LAMA1: variants seen among roughly 807,000 people sequenced by gnomAD.
The protein encoded by LAMA1 is laminin subunit alpha 1.
A neutral mutation model predicts 348.7 loss-of-function variants in LAMA1; 219 were observed. The ratio of observed to expected loss-of-function variants is 0.63; its 90% confidence interval spans 0.56 to 0.70. The LOEUF (loss-of-function observed/expected upper bound fraction) is 0.70, where lower values mean the gene tolerates loss of function less well. Ranked by LOEUF, LAMA1 falls within the 30% of genes least tolerant of loss-of-function variation. The pLI is 0.00. For synonymous variants in LAMA1, 1,487 were observed against 1,491.0 expected (o/e 1.00, Z 0.06); for missense variants, 3,744 against 3,888.0 (o/e 0.96, Z 0.99).
chr18:7,037,492 A>G, intron 12 of LAMA1, 86 bp downstream of exon 12: 1 of 1,470,902 alleles, frequency 6.8e-7, no homozygotes, highest in Non-Finnish European at 9.5e-7. Flanking sequence ...CTATGAGACT[A>G]CCTAAAATGC....
intron 1 of LAMA1, among the ~76,000 whole-genome samples, chr18:7,110,406 G>T (rs139116402): frequency 6.6e-6 from 1 of 152,272 alleles, no homozygotes; most frequent in East Asian, 1.9e-4. Flanking sequence ...CCAAGAACAG[G>T]AGAAACAGGG....
intron 35 of LAMA1, 44 bp from the exon 36 acceptor site, chr18:6,992,764 T>C (rs1568021902): frequency 6.5e-7 from 1 of 1,527,716 alleles, no homozygotes. Flanking sequence ...CTCTCAAAAG[T>C]GGCTAGTACC....
chr18:6,978,662 G>A (rs191747345), intron 42 of LAMA1, among the ~76,000 whole-genome samples: 136 of 152,278 alleles, frequency 8.9e-4, no homozygotes, highest in African/African-American at 2.9e-3. Context: ...TCTGGAATAT[G>A]ATTTCAATAA....
At chr18:7,113,949 C>T (rs11876396) in intron 1 of LAMA1, among the ~76,000 whole-genome samples, 7,403 of 151,754 alleles carry the variant, frequency 0.049, 553 homozygotes, top group African/African-American at 0.16. Context: ...TGGTGGCGGG[C>T]GCCTGTAGTC....
At chr18:7,081,718 G>GGT (rs1372522875) in intron 1 of LAMA1, among the ~76,000 whole-genome samples, 1 of 152,152 alleles carries the variant, frequency 6.6e-6, no homozygotes, top group African/African-American at 2.4e-5. Context: ...TAGAAACAAT[G>GGT]GTGTACGCGA....
chr18:7,113,580 G>A (rs1177385405), intron 1 of LAMA1, among the ~76,000 whole-genome samples: 1 of 152,160 alleles, frequency 6.6e-6, no homozygotes, highest in African/African-American at 2.4e-5. Flanking sequence ...AAGAAACGGT[G>A]AGAAATGGGA....
In LAMA1 at chr18:6,990,096, T is replaced by C. The variant is rs1043125192; in HGVS notation, c.5168+2465A>G. Reference sequence around the variant, plus strand: ...AGTCATTAAGGACTATATCATTTCATGTGATTGTGGTTTAGATACTAACAT... The same window carrying C: ...AGTCATTAAGGACTATATCATTTCACGTGATTGTGGTTTAGATACTAACAT... On this transcript the variant is annotated intron_variant, in intron 36 of 62. Coordinates refer to ENST00000389658, the MANE Select transcript of LAMA1 (RefSeq NM_005559.4). Among the ~76,000 whole-genome samples the C allele has an allele frequency of 2.0e-5, 3 of 152,226 alleles. 1 individual carries two copies. The highest frequency in any genetic ancestry group is 7.2e-5 in the African/African-American group (3 of 41,468).
chr18:6,956,275 TTA>T, intron 56 of LAMA1: 4 of 360,152 alleles, frequency 1.1e-5, no homozygotes, highest in Non-Finnish European at 1.6e-5. Flanking sequence ...TTTTTTTTTT[TTA>T]AAGCAACAAA....
At chr18:7,076,557 CAT>C (rs2058169113) in intron 3 of LAMA1, among the ~76,000 whole-genome samples, 1 of 151,526 alleles carries the variant, frequency 6.6e-6, no homozygotes, top group Non-Finnish European at 1.5e-5. Context: ...CTGGTCTATT[CAT>C]ATATTCAATA....
chr18:7,043,194 T>C (rs747903664), intron 8 of LAMA1, 33 bp downstream of exon 8: 54 of 1,610,162 alleles, frequency 3.4e-5, no homozygotes, highest in Non-Finnish European at 4.4e-5. Context: ...GGGAAGATGA[T>C]GAAGATCAGC....
chr18:7,052,410 T>C (rs997709247), intron 3 of LAMA1, among the ~76,000 whole-genome samples: 3 of 146,262 alleles, frequency 2.1e-5, no homozygotes, highest in African/African-American at 7.6e-5. Context: ...CAGCTTGGGC[T>C]ACAGAGTGAG....
intron 22 of LAMA1, among the ~76,000 whole-genome samples, chr18:7,014,429 T>C (rs2057876200): frequency 6.6e-6 from 1 of 152,110 alleles, no homozygotes; most frequent in African/African-American, 2.4e-5. Context: ...GAGACCAGCC[T>C]GGACAACATA....
chr18:7,111,836 C>T (rs1275018074), intron 1 of LAMA1, among the ~76,000 whole-genome samples: 1 of 152,150 alleles, frequency 6.6e-6, no homozygotes, highest in Non-Finnish European at 1.5e-5. Context: ...AAAACTTCAG[C>T]TAAGGTCTAA....
intron 48 of LAMA1, among the ~76,000 whole-genome samples, chr18:6,967,924 G>C (rs562267870): frequency 7.2e-5 from 11 of 151,972 alleles, no homozygotes; most frequent in Non-Finnish European, 1.5e-4. Context: ...CTGGAGTGAG[G>C]TGGCCACGAA....
chr18:6,954,027 C>G (rs192050841), intron 57 of LAMA1: 1 of 152,420 alleles, frequency 6.6e-6, no homozygotes, highest in African/African-American at 2.4e-5. Context: ...TTCTTCTCAA[C>G]GAGGCAAGTC....
In LAMA1 at chr18:7,002,302, G is replaced by A. The variant is rs373094453; in HGVS notation, c.4344C>T (p.Asp1448=). The stretch of plus-strand genomic sequence containing the variant: ...TGTGAGGACAGGCACACAGAGCACA[G>A]TCACTTGCTGAGCCAGTCACCTTCC... The part of the protein sequence containing the change: ...YYGKVTGSAS[D]CALCACPHSP... The change falls in exon 30 of 63, where the codon GAC becomes GAT. Residue 1448 remains aspartate (D), a synonymous_variant. Coordinates refer to ENST00000389658, the MANE Select transcript of LAMA1 (RefSeq NM_005559.4). The A allele has an allele frequency of 1.9e-6, 3 of 1,613,246 alleles. No individual in the cohort carries two copies. The African/African-American group carries it at 4.0e-5, about 22-fold the overall frequency.
intron 1 of LAMA1, among the ~76,000 whole-genome samples, chr18:7,085,559 T>G (rs140094813): frequency 6.6e-6 from 1 of 151,776 alleles, no homozygotes; most frequent in Non-Finnish European, 1.5e-5. Context: ...GCTGGGACTA[T>G]AGGCACCCGC....
intron 18 of LAMA1, 98 bp from the exon 19 acceptor site, chr18:7,023,473 A>T: frequency 1.0e-6 from 1 of 971,522 alleles, no homozygotes; most frequent in Non-Finnish European, 1.6e-6. Context: ...AATCAGACGG[A>T]CTCTGTTCCC....
intron 62 of LAMA1, 89 bp from the exon 63 acceptor site, chr18:6,942,328 G>T: frequency 7.1e-7 from 1 of 1,408,968 alleles, no homozygotes; most frequent in East Asian, 2.4e-5. Context: ...ATCTCAAGCG[G>T]GTTTTTTTAT....
Sources: gnomAD v4.1 joint callset for allele counts (sites outside exome capture counted in the v4.1 genomes callset) on GRCh38, gnomAD v4.1.1 for gene constraint, MANE v1.5 for transcripts, NCBI Gene and HGNC (gene_info 2026-07-23, HGNC 2026-07-21) for gene names.